The following CWC27 variants were observed in gnomAD, a reference collection of about 807,000 sequenced individuals.
CWC27 encodes the protein spliceosome-associated protein CWC27 homolog.
A neutral mutation model predicts 63.6 loss-of-function variants in CWC27; 47 were observed. That is an observed-to-expected ratio of 0.74 (90% CI 0.58 to 0.94). The LOEUF (loss-of-function observed/expected upper bound fraction) is 0.94, where lower values mean the gene tolerates loss of function less well. Ranked by LOEUF, CWC27 falls within the 40% of genes least tolerant of loss-of-function variation. The pLI is 0.00. For missense variants in CWC27, 495 were observed against 554.3 expected (o/e 0.89, Z 1.07); for synonymous variants, 175 against 179.8 (o/e 0.97, Z 0.22).
At chr5:64,778,975 T>G (rs769432792) in intron 2 of CWC27, among the ~76,000 whole-genome samples, 1 of 152,230 alleles carries the variant, frequency 6.6e-6, no homozygotes, top group Non-Finnish European at 1.5e-5. Flanking sequence ...GCATTGTATA[T>G]CCAGTTATAC....
intron 10 of CWC27, among the ~76,000 whole-genome samples, chr5:64,837,909 T>C (rs77699767): frequency 0.014 from 2,110 of 152,234 alleles, 58 homozygotes; most frequent in African/African-American, 0.048. Flanking sequence ...TTGGATGTCA[T>C]ACCTAAAAAG....
chr5:64,825,353 G>A (rs1745330177), intron 10 of CWC27, among the ~76,000 whole-genome samples: 1 of 152,146 alleles, frequency 6.6e-6, no homozygotes. Flanking sequence ...GGTGCATCTA[G>A]GTCTCAACTT....
chr5:65,017,390 C>G (rs1750068080), intron 13 of CWC27, among the ~76,000 whole-genome samples: 2 of 152,164 alleles, frequency 1.3e-5, no homozygotes, highest in South Asian at 4.2e-4. Flanking sequence ...TTTGGACTTC[C>G]CTGTTTATTC....
chr5:64,879,974 G>A (rs529994350), intron 10 of CWC27, among the ~76,000 whole-genome samples: 1 of 151,978 alleles, frequency 6.6e-6, no homozygotes, highest in East Asian at 1.9e-4. Context: ...TCATGTTTTA[G>A]CATGTACCCT....
chr5:64,906,188 T>C (rs1329436975), intron 11 of CWC27, among the ~76,000 whole-genome samples: 1 of 152,236 alleles, frequency 6.6e-6, no homozygotes, highest in African/African-American at 2.4e-5. Context: ...CCTATGGGTA[T>C]ATGCCCAGTA....
At chr5:64,993,673 T>G (rs1454098749) in intron 13 of CWC27, among the ~76,000 whole-genome samples, 1 of 152,078 alleles carries the variant, frequency 6.6e-6, no homozygotes, top group South Asian at 2.1e-4. Context: ...TTCTTTTTTT[T>G]TTTAAGCTGA....
At chr5:64,785,807 C>T (rs1279640143) in intron 5 of CWC27, among the ~76,000 whole-genome samples, 1 of 151,896 alleles carries the variant, frequency 6.6e-6, no homozygotes, top group Non-Finnish European at 1.5e-5. Context: ...GAAAAGCTTA[C>T]CTCATAATGG....
At chr5:64,858,092 C>A (rs1177405520) in intron 10 of CWC27, among the ~76,000 whole-genome samples, 1 of 113,700 alleles carries the variant, frequency 8.8e-6, no homozygotes, top group Non-Finnish European at 1.7e-5. Context: ...GAGCCGAGAT[C>A]GCGCCACTGC....
At chr5:64,774,551 A>G in intron 1 of CWC27, 140 bp from the exon 2 acceptor site, 1 of 471,388 alleles carries the variant, frequency 2.1e-6, no homozygotes, top group Middle Eastern at 5.5e-4. Flanking sequence ...TTTGTTGAGT[A>G]TATCAACAAA....
intron 7 of CWC27, among the ~76,000 whole-genome samples, chr5:64,796,941 C>T (rs1396148760): frequency 2.7e-5 from 4 of 147,224 alleles, no homozygotes; most frequent in African/African-American, 7.5e-5. Flanking sequence ...CTGTCTCCCC[C>T]GTCACTTCCC....
chr5:64,985,507 A>G (rs547107233), intron 13 of CWC27, among the ~76,000 whole-genome samples: 10 of 152,146 alleles, frequency 6.6e-5, no homozygotes, highest in African/African-American at 2.4e-4. Flanking sequence ...ATTTAAAACC[A>G]TTTCCTTGTT....
intron 7 of CWC27, among the ~76,000 whole-genome samples, chr5:64,789,829 G>A (rs190820333): frequency 1.3e-5 from 2 of 152,098 alleles, no homozygotes; most frequent in East Asian, 3.9e-4. Flanking sequence ...TAAAGGATTA[G>A]GTTTATAGTC....
At chr5:64,806,087 G>T (rs1218388945) in intron 10 of CWC27, among the ~76,000 whole-genome samples, 1 of 126,082 alleles carries the variant, frequency 7.9e-6, no homozygotes, top group African/African-American at 3.5e-5. Context: ...CCATAGACTG[G>T]ATGACTTAAC....
At chr5:64,951,616 C>A (rs529168849) in intron 11 of CWC27, among the ~76,000 whole-genome samples, 1 of 151,776 alleles carries the variant, frequency 6.6e-6, no homozygotes, top group Non-Finnish European at 1.5e-5. Flanking sequence ...AAAAAGAAAC[C>A]CTTACCCTTT....
intron 11 of CWC27, among the ~76,000 whole-genome samples, chr5:64,898,650 TA>T (rs1312594294): frequency 1.3e-5 from 2 of 151,926 alleles, no homozygotes; most frequent in Non-Finnish European, 2.9e-5. Context: ...AAGTTGCTGT[TA>T]AAAAAGAAAG....
chr5:64,887,916 G>C (rs1056200681), intron 11 of CWC27, among the ~76,000 whole-genome samples: 1 of 152,202 alleles, frequency 6.6e-6, no homozygotes, highest in East Asian at 1.9e-4. Flanking sequence ...TTCTAAGAAA[G>C]AATTTTGCTA....
intron 13 of CWC27, among the ~76,000 whole-genome samples, chr5:65,000,673 C>A (rs984332046): frequency 3.3e-5 from 5 of 151,964 alleles, no homozygotes; most frequent in African/African-American, 4.8e-5. Flanking sequence ...CTATTCTGTT[C>A]CATTGGTCTG....
intron 11 of CWC27, among the ~76,000 whole-genome samples, chr5:64,895,824 C>G (rs531648654): frequency 6.6e-6 from 1 of 152,210 alleles, no homozygotes; most frequent in Non-Finnish European, 1.5e-5. Flanking sequence ...CAATTTGCCA[C>G]AGCTAAAATG....
At chr5:64,860,130 AC>A (rs1391374121) in intron 10 of CWC27, among the ~76,000 whole-genome samples, 1 of 152,142 alleles carries the variant, frequency 6.6e-6, no homozygotes, top group Non-Finnish European at 1.5e-5. Context: ...ACTTCAGATA[AC>A]CATGCATTTA....
Sources: gnomAD v4.1 joint callset for allele counts (sites outside exome capture counted in the v4.1 genomes callset) on GRCh38, gnomAD v4.1.1 for gene constraint, MANE v1.5 for transcripts, NCBI Gene and HGNC (gene_info 2026-07-23, HGNC 2026-07-21) for gene names.